ATM: variants seen among roughly 807,000 people sequenced by gnomAD.
ATM encodes the protein ATM serine/threonine kinase, also known as serine-protein kinase ATM.
In ATM, 308 loss-of-function variants were observed where a neutral mutation model predicts 387.0. The observed-to-expected ratio is 0.80, with a 90% CI of 0.73 to 0.87. The LOEUF is 0.87. Among genes scored for constraint, ATM ranks in the 40% least tolerant of loss-of-function variants. ATM has a pLI of 0.00. For missense variants in ATM, 3,312 were observed against 3,560.9 expected (o/e 0.93, Z 1.78); for synonymous variants, 1,156 against 1,187.3 (o/e 0.97, Z 0.54).
intron 59 of ATM, 45 bp downstream of exon 59, chr11:108,347,410 G>T (rs1215128829): frequency 7.0e-7 from 1 of 1,438,000 alleles, no homozygotes; most frequent in East Asian, 2.3e-5. Context: ...GTAAATATTT[G>T]GTCATCATGG....
intron 61 of ATM, among the ~76,000 whole-genome samples, chr11:108,358,445 T>C (rs1333544495): frequency 2.0e-5 from 3 of 150,906 alleles, no homozygotes; most frequent in Admixed American, 1.3e-4. Context: ...ATACAGAGAA[T>C]GCCACAAAGA....
chr11:108,326,639 T>C (rs1334593019), intron 47 of ATM, among the ~76,000 whole-genome samples: 2 of 152,198 alleles, frequency 1.3e-5, no homozygotes, highest in Non-Finnish European at 2.9e-5. Flanking sequence ...TTTGAAAATA[T>C]CACATCTAAT....
At chr11:108,356,052 T>C (rs926321344) in intron 61 of ATM, 2 of 152,226 alleles carry the variant, frequency 1.3e-5, no homozygotes, top group Non-Finnish European at 2.9e-5. Context: ...CTTTTTTCTT[T>C]TACCGATTTC....
chr11:108,334,324 A>G (rs536154538), intron 54 of ATM, among the ~76,000 whole-genome samples: 1 of 152,192 alleles, frequency 6.6e-6, no homozygotes, highest in African/African-American at 2.4e-5. Flanking sequence ...TAAAAATTCT[A>G]TGTGCAGTAA....
intron 16 of ATM, among the ~76,000 whole-genome samples, chr11:108,261,198 AAGAC>A (rs962245834): frequency 3.3e-5 from 5 of 152,168 alleles, no homozygotes; most frequent in Non-Finnish European, 5.9e-5. Flanking sequence ...CACAAACAAA[AAGAC>A]AGCAGTAACC....
intron 59 of ATM, among the ~76,000 whole-genome samples, chr11:108,350,343 A>G (rs1373448276): frequency 6.6e-6 from 1 of 152,176 alleles, no homozygotes; most frequent in Non-Finnish European, 1.5e-5. Flanking sequence ...GAGTTAGGGA[A>G]AGAAGAGGGC....
rs751800302 is a variant in ATM at position 108,247,074 on chromosome 11, A to G, written c.1012A>G (p.Asn338Asp). 1.2e-6 allele frequency: 2 copies of G among 1,613,992 alleles called. No homozygotes were observed. The highest frequency in any genetic ancestry group is 1.7e-5 in the Admixed American group (1 of 60,018). The change falls in exon 8 of 63, where the codon AAT (asparagine) becomes GAT (aspartate). Residue 338 changes from asparagine to aspartate, a missense_variant. By Grantham distance (23) the Asn-to-Asp change is conservative. Coordinates refer to ENST00000675843, the MANE Select transcript of ATM (RefSeq NM_000051.4). ...SRGKYSSGFR[N>D]IAVKENLIEL... ...AGGAAAGTATTCTTCAGGATTTCGT[A>G]ATATTGCCGTCAAAGAAAATTTGAT...
intron 61 of ATM, among the ~76,000 whole-genome samples, chr11:108,362,500 G>C (rs1004864526): frequency 1.3e-5 from 2 of 149,222 alleles, no homozygotes; most frequent in Non-Finnish European, 3.0e-5. Context: ...ACATGCACAC[G>C]TATGTTTATT....
intron 4 of ATM, among the ~76,000 whole-genome samples, chr11:108,232,533 T>C (rs1367381764): frequency 2.3e-4 from 24 of 104,692 alleles, no homozygotes; most frequent in African/African-American, 7.4e-4. Flanking sequence ...TCTCCTTTTT[T>C]TTTTTTTTTT....
Position 108,249,116 on chromosome 11 carries a change from A to G in ATM, c.1235+14A>G, listed in dbSNP as rs776931625. The G allele has an allele frequency of 3.7e-6, 6 of 1,613,448 alleles. No individual in the cohort carries two copies. The highest frequency in any genetic ancestry group is 1.7e-6 in the Non-Finnish European group (2 of 1,179,692). On this transcript the variant is annotated intron_variant, in intron 9 of 62. Transcript: ENST00000675843. ...TCTTGTGCCTTGGTAAAGTGTTACC[A>G]TTTTCTCATTCAGTGTCATTTTAAT...
intron 59 of ATM, among the ~76,000 whole-genome samples, chr11:108,350,171 TAGTGG>T (rs1462910085): frequency 3.3e-5 from 5 of 152,196 alleles, no homozygotes; most frequent in African/African-American, 1.2e-4. Context: ...CCTAAATTTG[TAGTGG>T]AGCCAATAGG....
chr11:108,308,992 G>A, intron 38 of ATM: 1 of 1,526,228 alleles, frequency 6.6e-7, no homozygotes, highest in Non-Finnish European at 8.8e-7. Flanking sequence ...GTAGAATGGT[G>A]TTGACATTAG....
intron 45 of ATM, among the ~76,000 whole-genome samples, chr11:108,323,801 C>A (rs662218): frequency 0.66 from 100,936 of 152,086 alleles, 34,510 homozygotes; most frequent in African/African-American, 0.83. Flanking sequence ...TGAACTGGTG[C>A]ACAAATGCTT....
intron 15 of ATM, 92 bp from the exon 16 acceptor site, chr11:108,258,894 T>G: frequency 1.0e-6 from 1 of 999,834 alleles, no homozygotes; most frequent in South Asian, 1.3e-5. Flanking sequence ...ACTATTTATC[T>G]ACATTCCATT....
At chr11:108,357,424 G>T (rs998858505) in intron 61 of ATM, among the ~76,000 whole-genome samples, 2 of 152,206 alleles carry the variant, frequency 1.3e-5, no homozygotes, top group Admixed American at 6.5e-5. Context: ...CGGGAAGCTC[G>T]AACTGGGTGG....
chr11:108,304,165 T>G (rs900382684), intron 36 of ATM, among the ~76,000 whole-genome samples: 1 of 152,182 alleles, frequency 6.6e-6, no homozygotes, highest in Non-Finnish European at 1.5e-5. Context: ...ATTACCCAAA[T>G]TTTATGCCCA....
intron 56 of ATM, among the ~76,000 whole-genome samples, chr11:108,338,626 A>T (rs1290162820): frequency 6.6e-6 from 1 of 152,106 alleles, no homozygotes; most frequent in African/African-American, 2.4e-5. Context: ...ACTGCAGTCC[A>T]GTCTGGACAA....
At chr11:108,334,216 C>T (rs2086588072) in intron 54 of ATM, among the ~76,000 whole-genome samples, 1 of 106,660 alleles carries the variant, frequency 9.4e-6, no homozygotes, top group Non-Finnish European at 2.2e-5. Context: ...GGTCTATAGA[C>T]TGTTACTTTC....
intron 36 of ATM, among the ~76,000 whole-genome samples, chr11:108,304,403 AT>A (rs1207216021): frequency 6.6e-6 from 1 of 152,194 alleles, no homozygotes; most frequent in Non-Finnish European, 1.5e-5. Flanking sequence ...ATTCTGTTTC[AT>A]TATGGTAATG....
Sources: gnomAD v4.1 joint callset for allele counts (sites outside exome capture counted in the v4.1 genomes callset) on GRCh38, gnomAD v4.1.1 for gene constraint, MANE v1.5 for transcripts, NCBI Gene and HGNC (gene_info 2026-07-23, HGNC 2026-07-21) for gene names.